Variants in TPO observed in about 807,000 individuals in gnomAD.
TPO encodes thyroid microsomal antigen.
TPO carries 78 observed loss-of-function variants against 96.9 expected under a neutral mutation model. The observed-to-expected ratio is 0.81, with a 90% confidence interval of 0.67 to 0.97. The LOEUF is 0.97. TPO is among the 50% of genes least tolerant of loss of function. The pLI is 0.00. For missense variants in TPO, 1,252 were observed against 1,274.8 expected, an observed-to-expected ratio of 0.98 and a Z score of 0.27; for synonymous variants, 547 against 538.0, an observed-to-expected ratio of 1.02 and a Z score of -0.23.
rs147231261 is a variant in TPO, at chr2:1,469,723, A to G, written c.820-7363A>G. On this transcript the variant is annotated intron_variant, in intron 7 of 16. Coordinates refer to ENST00000329066, the MANE Select transcript of TPO (RefSeq NM_001206744.2). ...GGGTAAAGTCAGAATCTTCTCCCGT[A>G]ATCTAGACCTTCAGGTTCCGCAGTG... 3.7e-4 allele frequency among the ~76,000 whole-genome samples: 56 copies of G among 152,236 alleles called. No individual in the cohort carries two copies. In the East Asian group the frequency reaches 0.011, roughly 29 times the overall value.
intron 5 of TPO, among the ~76,000 whole-genome samples, chr2:1,446,562 AC>A (rs80096074): frequency 0.061 from 9,300 of 152,224 alleles, 366 homozygotes; most frequent in Middle Eastern, 0.13. Context: ...TGTCTTGAGC[AC>A]TTTTAAAATA....
chr2:1,535,830 T>A (rs1159081136), intron 15 of TPO, among the ~76,000 whole-genome samples: 1 of 76,946 alleles, frequency 1.3e-5, no homozygotes, highest in Non-Finnish European at 2.4e-5. Flanking sequence ...CCTGCTCAAA[T>A]CCCCAAACTG....
intron 15 of TPO, among the ~76,000 whole-genome samples, chr2:1,531,986 A>C (rs1436446611): frequency 2.2e-5 from 2 of 91,222 alleles, no homozygotes; most frequent in Non-Finnish European, 4.5e-5. Context: ...CACTGTGTGC[A>C]ACCTCCCAAA....
chr2:1,515,032 CAA>C (rs1277544020), intron 14 of TPO, among the ~76,000 whole-genome samples: 2 of 151,940 alleles, frequency 1.3e-5, no homozygotes, highest in African/African-American at 4.8e-5. Flanking sequence ...CCCTCCAGCC[CAA>C]GTTTCTCAGA....
intron 14 of TPO, among the ~76,000 whole-genome samples, chr2:1,509,193 G>T (rs1361626741): frequency 6.6e-6 from 1 of 152,214 alleles, no homozygotes; most frequent in Non-Finnish European, 1.5e-5. Context: ...TAGTTGAGCG[G>T]TTTTGAGTGA....
At chr2:1,412,022 C>T (rs568583354), upstream of TPO, among the ~76,000 whole-genome samples, 12 of 152,336 alleles carry the variant, frequency 7.9e-5, 1 homozygote, top group Admixed American at 7.8e-4. Context: ...CATTCACTCA[C>T]AGTCCACTAC....
intron 14 of TPO, among the ~76,000 whole-genome samples, chr2:1,515,898 A>T (rs946458313): frequency 1.3e-5 from 2 of 149,990 alleles, no homozygotes; most frequent in African/African-American, 2.4e-5. Context: ...ATGTTTGTTT[A>T]AAAAAAAAAC....
At chr2:1,529,111 C>A (rs72776262) in intron 15 of TPO, among the ~76,000 whole-genome samples, 10,328 of 101,230 alleles carry the variant, frequency 0.1, 690 homozygotes, top group Non-Finnish European at 0.11. Flanking sequence ...CAAATCCCCC[C>A]ACTGTGTGCA....
At chr2:1,541,233 G>C (rs748278446) in intron 16 of TPO, 74 of 1,104,226 alleles carry the variant, frequency 6.7e-5, no homozygotes, top group Non-Finnish European at 7.7e-5. Flanking sequence ...GCCTCCAGAG[G>C]GGAGTGGGGA....
chr2:1,480,738 TCTCCTGCTGCATCCGTCCACACCACCTCC>T (rs1670496988), intron 8 of TPO, among the ~76,000 whole-genome samples: 3 of 56,308 alleles, frequency 5.3e-5, no homozygotes, highest in African/African-American at 1.0e-4. Flanking sequence ...AAACCATGTT[TCTCCTGCTGCATCCGTCCACACCACCTCC>T]CTCCTCCTGC....
At chr2:1,479,066 C>A (rs1257593155) in intron 8 of TPO, among the ~76,000 whole-genome samples, 1 of 152,252 alleles carries the variant, frequency 6.6e-6, no homozygotes, top group African/African-American at 2.4e-5. Flanking sequence ...CAGGCACCCA[C>A]GTCGCTTTCA....
At chr2:1,535,474 C>CCA (rs1679415645) in intron 15 of TPO, among the ~76,000 whole-genome samples, 1 of 57,676 alleles carries the variant, frequency 1.7e-5, no homozygotes, top group African/African-American at 5.9e-5. Flanking sequence ...AAATCAGCCC[C>CCA]ACTCCGTGCA....
At chr2:1,521,891 C>T (rs370701198) in intron 15 of TPO, among the ~76,000 whole-genome samples, 22 of 152,148 alleles carry the variant, frequency 1.4e-4, no homozygotes, top group South Asian at 4.1e-4. Flanking sequence ...CCAGTCCCCC[C>T]GTGGGTTCAG....
At chr2:1,405,069 C>T (rs1003706311) in intron 1 of TPO, among the ~76,000 whole-genome samples, 1 of 115,918 alleles carries the variant, frequency 8.6e-6, no homozygotes, top group Non-Finnish European at 1.7e-5. Flanking sequence ...CCCGCATAGA[C>T]ATCGAGTCAT....
chr2:1,495,233 G>A (rs1672206330), intron 11 of TPO, among the ~76,000 whole-genome samples: 1 of 152,130 alleles, frequency 6.6e-6, no homozygotes. Context: ...CGTATAGTGG[G>A]GCCTCTTTTT....
chr2:1,496,898 G>A, intron 13 of TPO, 133 bp downstream of exon 13: 2 of 1,363,598 alleles, frequency 1.5e-6, no homozygotes, highest in Non-Finnish European at 2.0e-6. Context: ...GCAATCTGGG[G>A]ATAGAAAGCA....
rs769207493 is a variant in TPO at position 1,493,908 on chromosome 2, G to A, written c.1875G>A (p.Leu625=). 2.5e-6 allele frequency: 4 copies of A among 1,614,228 alleles called. No homozygotes were observed. The South Asian group carries it at 3.3e-5, about 13-fold the overall frequency. Residue 625 remains leucine, a synonymous_variant, in exon 11 of 17, where the codon TTG becomes TTA. Coordinates refer to ENST00000329066, the MANE Select transcript of TPO (RefSeq NM_001206744.2). The part of the protein sequence containing the change: ...SRSVADKILD[L]YKHPDNIDVW... ...GCGTGGCCGACAAGATCCTGGACTT[G>A]TACAAGCATCCTGACAACATCGATG... is the stretch of plus-strand genomic sequence containing the variant.
chr2:1,493,218 G>GGA (rs1191653422), intron 10 of TPO, among the ~76,000 whole-genome samples: 2 of 106,366 alleles, frequency 1.9e-5, no homozygotes, highest in African/African-American at 6.6e-5. Context: ...GTGGGGGGGG[G>GGA]GGTGCTGGCT....
upstream of TPO, among the ~76,000 whole-genome samples, chr2:1,410,592 A>G (rs1362270005): frequency 1.3e-5 from 2 of 152,140 alleles, no homozygotes; most frequent in Non-Finnish European, 2.9e-5. Context: ...CAAGGTATTC[A>G]GTAATCAGAT....
Sources: gnomAD v4.1 joint callset for allele counts (sites outside exome capture counted in the v4.1 genomes callset) on GRCh38, gnomAD v4.1.1 for gene constraint, MANE v1.5 for transcripts, NCBI Gene and HGNC (gene_info 2026-07-23, HGNC 2026-07-21) for gene names.